Variants in TTC21B observed in about 807,000 individuals in gnomAD.
TTC21B encodes tetratricopeptide repeat domain 21B.
Under a neutral mutation model 175.1 loss-of-function variants are expected in TTC21B, and 127 were observed. The ratio of observed to expected loss-of-function variants is 0.73; its 90% CI spans 0.63 to 0.84. The LOEUF (loss-of-function observed/expected upper bound fraction) is 0.84, where lower values mean the gene tolerates loss of function less well. Among genes scored for constraint, TTC21B ranks in the 40% least tolerant of loss-of-function variants. The pLI is 0.00. For synonymous variants in TTC21B, 524 were observed against 524.5 expected (o/e 1.00, Z 0.01); for missense variants, 1,561 against 1,558.3 (o/e 1.00, Z -0.03).
chr2:165,911,355 A>G lies in TTC21B; in HGVS notation c.2433T>C (p.Val811=). The stretch of plus-strand genomic sequence containing the variant: ...GTTCATGAGCCAGAGCATGCTGAAG[A>G]ACTTTTTCTGCTTTGTCATACCATT... ...KLKWYDKAEK[V]LQHALAHEPV... The change falls in exon 18 of 29, where the codon GTT becomes GTC. Residue 811 remains valine (V), a synonymous_variant. Coordinates refer to ENST00000243344, the MANE Select transcript of TTC21B (RefSeq NM_024753.5). 1 of 1,613,936 alleles carries G rather than the reference A, an allele frequency of 6.2e-7. No individual in the cohort carries two copies. The highest frequency in any genetic ancestry group is 8.5e-7 in the Non-Finnish European group (1 of 1,179,906).
intron 19 of TTC21B, among the ~76,000 whole-genome samples, chr2:165,904,899 T>A (rs933296430): frequency 3.9e-5 from 6 of 152,168 alleles, no homozygotes; most frequent in Admixed American, 1.3e-4. Flanking sequence ...ATGGATCCTA[T>A]CTGGGGAACA....
At chr2:165,937,418 T>C (rs1044868990) in intron 6 of TTC21B, among the ~76,000 whole-genome samples, 2 of 152,118 alleles carry the variant, frequency 1.3e-5, no homozygotes, top group Non-Finnish European at 1.5e-5. Context: ...ACACCAAAAG[T>C]GAACTGTAAT....
chr2:165,942,913 A>G (rs769631217), intron 5 of TTC21B, among the ~76,000 whole-genome samples: 4 of 152,204 alleles, frequency 2.6e-5, no homozygotes, highest in Non-Finnish European at 4.4e-5. Flanking sequence ...AGGGTTTCTA[A>G]TATCTAGAGG....
intron 1 of TTC21B, among the ~76,000 whole-genome samples, chr2:165,952,391 C>A (rs6712654): frequency 6.6e-6 from 1 of 152,218 alleles, no homozygotes; most frequent in South Asian, 2.1e-4. Flanking sequence ...ATAGACCATA[C>A]GGTCCATAAA....
At chr2:165,946,728 T>C (rs945921626) in intron 3 of TTC21B, among the ~76,000 whole-genome samples, 1 of 151,788 alleles carries the variant, frequency 6.6e-6, no homozygotes, top group Non-Finnish European at 1.5e-5. Context: ...TCCCAACTAC[T>C]TGGGAGGCTG....
At chr2:165,895,362 G>A (rs577773176) in intron 22 of TTC21B, among the ~76,000 whole-genome samples, 2 of 152,140 alleles carry the variant, frequency 1.3e-5, no homozygotes, top group South Asian at 2.1e-4. Flanking sequence ...AGAAACTTAC[G>A]TGAAACAAAA....
At chr2:165,897,699 G>A (rs1330805800) in intron 22 of TTC21B, among the ~76,000 whole-genome samples, 1 of 152,078 alleles carries the variant, frequency 6.6e-6, no homozygotes, top group African/African-American at 2.4e-5. Flanking sequence ...CCTAGGGGGT[G>A]AATATATAAA....
intron 13 of TTC21B, among the ~76,000 whole-genome samples, 182 bp downstream of exon 13, chr2:165,919,092 CAT>C (rs773909987): frequency 5.3e-4 from 81 of 152,260 alleles, no homozygotes; most frequent in Middle Eastern, 3.4e-3. Flanking sequence ...ACCAAGTCCA[CAT>C]AGTTTTTTAC....
At position 165,945,697 on chromosome 2, in the gene TTC21B, G is replaced by C; in HGVS notation, c.263-7C>G. On this transcript the variant is annotated splice_polypyrimidine_tract_variant and splice_region_variant and intron_variant, in intron 3 of 28. Coordinates refer to ENST00000243344, the MANE Select transcript of TTC21B (RefSeq NM_024753.5). Reference sequence around the variant, plus strand: ...TCCAGAATAGCTTCTCTATCTGGTAGGGGAAAATGATATTAAATAAAAATT... The same window carrying C: ...TCCAGAATAGCTTCTCTATCTGGTACGGGAAAATGATATTAAATAAAAATT... The C allele has an allele frequency of 6.2e-7, 1 of 1,611,418 alleles. No homozygotes were observed. The highest frequency in any genetic ancestry group is 8.5e-7 in the Non-Finnish European group (1 of 1,179,196).
At chr2:165,924,709 T>C (rs752965861) in intron 11 of TTC21B, 31 bp from the exon 12 acceptor site, 2 of 1,601,140 alleles carry the variant, frequency 1.2e-6, no homozygotes, top group Non-Finnish European at 8.5e-7. Context: ...GATCATTTTA[T>C]AAGTGTAAAA....
intron 6 of TTC21B, among the ~76,000 whole-genome samples, chr2:165,940,791 G>C (rs1447907760): frequency 3.3e-5 from 5 of 152,074 alleles, no homozygotes; most frequent in Admixed American, 3.3e-4. Context: ...CATGACCACA[G>C]GGATATTGGC....
chr2:165,923,678 G>A lies in TTC21B; in HGVS notation c.1516+871C>T, dbSNP rs187655066. 5.2e-4 allele frequency among the ~76,000 whole-genome samples: 78 copies of A among 149,974 alleles called. 1 individual carries two copies. The highest frequency in any genetic ancestry group is 1.8e-3 in the African/African-American group (74 of 40,736). On this transcript the variant is annotated intron_variant, in intron 12 of 28. Coordinates refer to ENST00000243344, the MANE Select transcript of TTC21B (RefSeq NM_024753.5). ...AGGATGGTCTTGATCTCCTGACCTCGTGATCCACCTGTCTGGGCCTCCCAA... is the reference window on the plus strand; with the variant it reads ...AGGATGGTCTTGATCTCCTGACCTCATGATCCACCTGTCTGGGCCTCCCAA...
Position 165,931,801 on chromosome 2 carries a change from T to C in TTC21B, c.851A>G (p.Asn284Ser). Residue 284 changes from asparagine (N) to serine (S), a missense_variant, in exon 8 of 29, where the codon AAT becomes AGT. Asn to Ser is a conservative substitution (Grantham distance 46). Transcript: ENST00000243344. ...TGTAATGTTATAGAAAAGTTGAGCA[T>C]TCTGTGGTTCCATGGCATCCAATGT... ...GNTLDAMEPQ[N>S]AQLFYNITLA... 6.2e-7 allele frequency: 1 copy of C among 1,613,656 alleles called. No homozygotes were observed. Among genetic ancestry groups the C allele is most frequent in the African/African-American group, 1.3e-5 (1 of 75,026 alleles).
At chr2:165,928,883 T>C (rs1478955175) in intron 11 of TTC21B, 3 of 446,346 alleles carry the variant, frequency 6.7e-6, no homozygotes, top group Non-Finnish European at 1.2e-5. Context: ...TAGATGCCTT[T>C]TAATATTTCT....
At chr2:165,946,470 T>C (rs181257673) in intron 3 of TTC21B, among the ~76,000 whole-genome samples, 11 of 152,310 alleles carry the variant, frequency 7.2e-5, no homozygotes, top group Admixed American at 2.0e-4. Flanking sequence ...GAATCAAGTA[T>C]CATTTTTAAG....
intron 6 of TTC21B, among the ~76,000 whole-genome samples, chr2:165,937,398 A>G (rs1687189743): frequency 6.6e-6 from 1 of 152,162 alleles, no homozygotes; most frequent in African/African-American, 2.4e-5. Context: ...CCAAACCACT[A>G]GAATGTACAA....
chr2:165,887,657 A>G (rs1335177190), intron 25 of TTC21B, among the ~76,000 whole-genome samples: 3 of 152,166 alleles, frequency 2.0e-5, no homozygotes, highest in Admixed American at 2.0e-4. Context: ...ATTGCACTCC[A>G]GCCTGGGCGA....
intron 3 of TTC21B, among the ~76,000 whole-genome samples, chr2:165,946,567 G>A (rs1400291008): frequency 2.0e-5 from 3 of 152,088 alleles, no homozygotes. Flanking sequence ...GCCAGACATG[G>A]TGGCTTACAC....
At position 165,946,055 on chromosome 2, in the gene TTC21B, G is replaced by A. The variant is rs140449301; in HGVS notation, c.263-365C>T. Among the ~76,000 whole-genome samples, 1,131 of 152,134 alleles carry A rather than the reference G, an allele frequency of 7.4e-3. 15 individuals carry two copies. Among genetic ancestry groups the A allele is most frequent in the African/African-American group, 0.026 (1,074 of 41,470 alleles). On this transcript the variant is annotated intron_variant, in intron 3 of 28. Transcript: ENST00000243344. Reference sequence around the variant, plus strand: ...AGATGCTAAATTTTGGCTGGGCGCAGTGGCTCACGCCTGCAATCGCAGCAC... The same window carrying A: ...AGATGCTAAATTTTGGCTGGGCGCAATGGCTCACGCCTGCAATCGCAGCAC...
Sources: allele counts gnomAD v4.1 joint callset (sites outside exome capture counted in the v4.1 genomes callset), GRCh38; gene constraint gnomAD v4.1.1; transcripts MANE v1.5; gene names NCBI Gene and HGNC (gene_info 2026-07-23, HGNC 2026-07-21).